CARMIL1: variants seen among roughly 807,000 people sequenced by gnomAD.
CARMIL1 encodes F-actin-uncapping protein LRRC16A.
Under a neutral mutation model 177.1 loss-of-function variants are expected in CARMIL1, and 90 were observed. The observed-to-expected ratio is 0.51, with a 90% confidence interval of 0.43 to 0.61. CARMIL1 has a LOEUF of 0.61. Among genes scored for constraint, CARMIL1 ranks in the 20% least tolerant of loss-of-function variants. The probability of loss-of-function intolerance (pLI) is 0.00; values close to 1 mark genes in which losing one functional copy is unlikely to be tolerated. For missense variants in CARMIL1, 1,380 were observed against 1,667.0 expected (o/e 0.83, Z 3.00); for synonymous variants, 577 against 606.2 (o/e 0.95, Z 0.71).
At chr6:25,389,261 T>C (rs1191512983) in intron 2 of CARMIL1, 7 of 152,184 alleles carry the variant, frequency 4.6e-5, no homozygotes, top group African/African-American at 1.4e-4. Context: ...CAAAAGAATC[T>C]TTCAGCTTCT....
chr6:25,597,368 G>A (rs1814955121), intron 32 of CARMIL1, among the ~76,000 whole-genome samples: 1 of 152,098 alleles, frequency 6.6e-6, no homozygotes, highest in African/African-American at 2.4e-5. Flanking sequence ...TCAATATTTA[G>A]TGTTTGCTTC....
At chr6:25,483,011 T>C (rs1802269714) in intron 12 of CARMIL1, among the ~76,000 whole-genome samples, 3 of 152,244 alleles carry the variant, frequency 2.0e-5, no homozygotes, top group Non-Finnish European at 4.4e-5. Flanking sequence ...TTTATAAAAC[T>C]GTTTATCTGT....
At chr6:25,408,031 AT>A (rs1269896952) in intron 2 of CARMIL1, among the ~76,000 whole-genome samples, 1 of 152,148 alleles carries the variant, frequency 6.6e-6, no homozygotes, top group Non-Finnish European at 1.5e-5. Context: ...GTGGTGGTGC[AT>A]GACTATAATC....
intron 23 of CARMIL1, among the ~76,000 whole-genome samples, chr6:25,526,952 T>C (rs920262588): frequency 4.6e-5 from 7 of 152,186 alleles, no homozygotes; most frequent in Non-Finnish European, 1.0e-4. Context: ...TATTTACTTT[T>C]ACTCTACTGA....
intron 31 of CARMIL1, among the ~76,000 whole-genome samples, chr6:25,591,201 C>T (rs1814269053): frequency 1.3e-5 from 2 of 152,316 alleles, no homozygotes; most frequent in African/African-American, 2.4e-5. Flanking sequence ...CCAGGTGCAC[C>T]GCCTACTGTC....
chr6:25,549,457 T>C (rs1809850830), intron 26 of CARMIL1, among the ~76,000 whole-genome samples: 1 of 152,220 alleles, frequency 6.6e-6, no homozygotes, highest in Non-Finnish European at 1.5e-5. Context: ...CTTGCATCTC[T>C]TGCAGATGAT....
At chr6:25,586,361 G>A (rs1462439035) in intron 31 of CARMIL1, among the ~76,000 whole-genome samples, 2 of 150,796 alleles carry the variant, frequency 1.3e-5, no homozygotes, top group East Asian at 2.0e-4. Flanking sequence ...CAGACGGGGT[G>A]GCAGGGCAGA....
intron 20 of CARMIL1, among the ~76,000 whole-genome samples, chr6:25,513,070 C>T (rs1805615354): frequency 6.6e-6 from 1 of 152,140 alleles, no homozygotes. Context: ...TAAGTATTAA[C>T]TGGGGTGTAT....
intron 13 of CARMIL1, among the ~76,000 whole-genome samples, chr6:25,490,745 AT>A (rs1562208911): frequency 6.8e-4 from 49 of 71,908 alleles, no homozygotes; most frequent in Non-Finnish European, 8.4e-4. Context: ...AAATAAATAA[AT>A]AAATAAAAAA....
intron 26 of CARMIL1, among the ~76,000 whole-genome samples, chr6:25,541,420 A>G (rs927372164): frequency 1.9e-4 from 29 of 152,302 alleles, no homozygotes; most frequent in African/African-American, 7.0e-4. Flanking sequence ...ATTCCATTGC[A>G]TAGATGTACC....
chr6:25,306,403 C>T (rs1374607262), intron 2 of CARMIL1, among the ~76,000 whole-genome samples: 2 of 152,086 alleles, frequency 1.3e-5, no homozygotes, highest in Admixed American at 1.3e-4. Flanking sequence ...GTGAACTGTG[C>T]ATTCAAGAGA....
At chr6:25,465,849 G>A (rs375260961) in intron 8 of CARMIL1, 24 bp from the exon 9 acceptor site, 83 of 1,472,436 alleles carry the variant, frequency 5.6e-5, no homozygotes, top group Non-Finnish European at 7.0e-5. Context: ...GCACTTTCAT[G>A]TACTTTGTTG....
intron 2 of CARMIL1, among the ~76,000 whole-genome samples, chr6:25,362,082 G>GGGATTATAAA (rs1789266127): frequency 6.6e-6 from 1 of 152,106 alleles, no homozygotes; most frequent in South Asian, 2.1e-4. Context: ...GAACTAAGGC[G>GGGATTATAAA]GGTTCCCAGA....
rs751296667 is a variant in CARMIL1 at position 25,600,547 on chromosome 6, G to A, written c.3353G>A (p.Gly1118Asp). ...RKDTKAAEHN[G>D]NSERIEEIKT... ...GACACAAAGGCCGCCGAGCACAATG[G>A]CAATTCTGAACGGATAGAGGAGATA... The change falls in exon 33 of 37, where the codon GGC becomes GAC. Residue 1118 changes from glycine to aspartate, a missense_variant. Transcript: ENST00000329474. 3 of 1,613,884 alleles carry A rather than the reference G, an allele frequency of 1.9e-6. No homozygotes were observed. Among genetic ancestry groups the A allele is most frequent in the Non-Finnish European group, 2.5e-6 (3 of 1,179,908 alleles).
rs747208315 is a variant in CARMIL1, at chr6:25,491,719, A to AT, written c.1066-5dup. The AT allele has an allele frequency of 3.9e-5, 59 of 1,532,234 alleles. No individual in the cohort carries two copies. The highest frequency in any genetic ancestry group is 5.5e-5 in the Admixed American group (3 of 54,384). 94.9% of individuals were successfully genotyped at this position (1,532,234 alleles called of 1,614,324 possible). The stretch of plus-strand genomic sequence containing the variant: ...TCTAGAATCCTAACATTTATCTTTT[A>AT]TTTTTTTTCAAGCACATGTATAATT... On this transcript the variant is annotated splice_polypyrimidine_tract_variant and intron_variant, in intron 13 of 36. Transcript: ENST00000329474.
At chr6:25,304,612 G>A (rs1264380050) in intron 2 of CARMIL1, among the ~76,000 whole-genome samples, 4 of 152,208 alleles carry the variant, frequency 2.6e-5, no homozygotes, top group Non-Finnish European at 1.5e-5. Flanking sequence ...AGGTGGTAAT[G>A]TTTGGTCACC....
rs1346453769 is a variant in CARMIL1, at chr6:25,619,439, T to C, written c.3980-8T>C. On this transcript the variant is annotated splice_polypyrimidine_tract_variant and splice_region_variant and intron_variant, in intron 36 of 36. Coordinates refer to ENST00000329474, the MANE Select transcript of CARMIL1 (RefSeq NM_017640.6). ...CAGTAAACTGTGCGACTTCCCTTTT[T>C]ATTTCAGTTTCAAGGAGAAGCTGGG... The C allele has an allele frequency of 6.2e-7, 1 of 1,608,292 alleles. No individual in the cohort carries two copies. Among genetic ancestry groups the C allele is most frequent in the Admixed American group, 1.7e-5 (1 of 58,844 alleles).
intron 2 of CARMIL1, among the ~76,000 whole-genome samples, chr6:25,404,173 C>A (rs962749987): frequency 6.6e-6 from 1 of 152,024 alleles, no homozygotes; most frequent in Admixed American, 6.5e-5. Context: ...CATTTCTCTC[C>A]TGCCTGCACT....
chr6:25,395,700 G>A (rs897498137), intron 2 of CARMIL1, among the ~76,000 whole-genome samples: 1 of 152,140 alleles, frequency 6.6e-6, no homozygotes, highest in African/African-American at 2.4e-5. Context: ...TCAGTGATCT[G>A]CCTAAGCATT....
Sources: gnomAD v4.1 joint callset for allele counts (sites outside exome capture counted in the v4.1 genomes callset) on GRCh38, gnomAD v4.1.1 for gene constraint, MANE v1.5 for transcripts, NCBI Gene and HGNC (gene_info 2026-07-23, HGNC 2026-07-21) for gene names.